ADAM22: variants seen among roughly 807,000 people sequenced by gnomAD.
ADAM22 encodes disintegrin and metalloproteinase domain-containing protein 22.
ADAM22 carries 65 observed loss-of-function variants against 144.6 expected under a neutral mutation model. The ratio of observed to expected loss-of-function variants is 0.45; its 90% confidence interval spans 0.37 to 0.55. The LOEUF (loss-of-function observed/expected upper bound fraction) is 0.55, where lower values mean the gene tolerates loss of function less well. Ranked by LOEUF, ADAM22 falls within the 20% of genes least tolerant of loss-of-function variation. The pLI is 0.00. For missense variants in ADAM22, 974 were observed against 1,184.9 expected (o/e 0.82, Z 2.61); for synonymous variants, 391 against 412.6 (o/e 0.95, Z 0.63).
intron 3 of ADAM22, among the ~76,000 whole-genome samples, chr7:88,021,509 A>G (rs1413014028): frequency 6.6e-6 from 1 of 152,228 alleles, no homozygotes; most frequent in Non-Finnish European, 1.5e-5. Context: ...GTCCTTAAAA[A>G]TAATAAATAG....
intron 29 of ADAM22, among the ~76,000 whole-genome samples, chr7:88,183,197 T>C (rs1011392982): frequency 3.3e-5 from 5 of 152,206 alleles, no homozygotes; most frequent in African/African-American, 1.2e-4. Context: ...TGTTAGAGTT[T>C]ATCTTATATA....
chr7:87,981,799 C>T (rs766492338), intron 3 of ADAM22, among the ~76,000 whole-genome samples: 10 of 151,796 alleles, frequency 6.6e-5, no homozygotes, highest in Admixed American at 6.6e-5. Flanking sequence ...GCTATATTTA[C>T]AGTGTGGCTG....
intron 3 of ADAM22, among the ~76,000 whole-genome samples, chr7:88,058,684 C>T (rs1429758449): frequency 6.6e-6 from 1 of 152,132 alleles, no homozygotes; most frequent in Non-Finnish European, 1.5e-5. Context: ...TCTTGATGGC[C>T]TTCCTTTCAC....
At chr7:88,057,279 A>G (rs1341720448) in intron 3 of ADAM22, among the ~76,000 whole-genome samples, 1 of 152,166 alleles carries the variant, frequency 6.6e-6, no homozygotes, top group Non-Finnish European at 1.5e-5. Context: ...AATCTTTTTA[A>G]TGATGGAATA....
intron 20 of ADAM22, 106 bp from the exon 21 acceptor site, chr7:88,153,115 A>C: frequency 1.5e-6 from 1 of 679,292 alleles, no homozygotes. Flanking sequence ...AATTGATAAC[A>C]CTGTAGTGAT....
intron 26 of ADAM22, among the ~76,000 whole-genome samples, chr7:88,177,971 A>G (rs1301745047): frequency 6.6e-6 from 1 of 152,172 alleles, no homozygotes; most frequent in Non-Finnish European, 1.5e-5. Context: ...ATAGAAAAGA[A>G]TCAAGTTTTA....
At chr7:88,084,887 T>C (rs1391788604) in intron 4 of ADAM22, among the ~76,000 whole-genome samples, 3 of 152,204 alleles carry the variant, frequency 2.0e-5, no homozygotes, top group African/African-American at 4.8e-5. Flanking sequence ...TTGACAGGGT[T>C]GGTTTCTGCC....
intron 3 of ADAM22, among the ~76,000 whole-genome samples, chr7:87,980,634 T>G (rs1034538007): frequency 1.3e-5 from 2 of 152,136 alleles, no homozygotes; most frequent in African/African-American, 4.8e-5. Flanking sequence ...GATGGAAAAG[T>G]ATCATTACAT....
intron 31 of ADAM22, among the ~76,000 whole-genome samples, chr7:88,195,128 G>A (rs1850404517): frequency 6.6e-6 from 1 of 152,122 alleles, no homozygotes; most frequent in Non-Finnish European, 1.5e-5. Context: ...TGCACCAAAT[G>A]TCCAGTAAAA....
chr7:88,002,463 GA>G (rs1359913862), intron 3 of ADAM22, among the ~76,000 whole-genome samples: 2 of 152,194 alleles, frequency 1.3e-5, no homozygotes, highest in Non-Finnish European at 1.5e-5. Context: ...GAATGTGAGG[GA>G]GGGGTGATTT....
chr7:87,971,790 C>T (rs1275839817), intron 2 of ADAM22, among the ~76,000 whole-genome samples: 1 of 152,184 alleles, frequency 6.6e-6, no homozygotes, highest in African/African-American at 2.4e-5. Flanking sequence ...GAGTAACTTT[C>T]TGAGAGCCAT....
At chr7:87,994,757 C>T (rs563230825) in intron 3 of ADAM22, among the ~76,000 whole-genome samples, 11 of 152,262 alleles carry the variant, frequency 7.2e-5, no homozygotes, top group Admixed American at 4.6e-4. Flanking sequence ...CAGAAACTGC[C>T]TAGTTAATCA....
At chr7:87,988,930 T>C (rs1789106387) in intron 3 of ADAM22, among the ~76,000 whole-genome samples, 1 of 151,974 alleles carries the variant, frequency 6.6e-6, no homozygotes, top group African/African-American at 2.4e-5. Flanking sequence ...GAAATTGTAG[T>C]TGCAGGAAGA....
rs1554432334 is a variant in ADAM22 at position 88,053,634 on chromosome 7, A to AAGAAAGAAAG, written c.324-21990_324-21981dup. Among the ~76,000 whole-genome samples the AAGAAAGAAAG allele has an allele frequency of 7.8e-3, 754 of 96,636 alleles. 8 individuals carry two copies. Among genetic ancestry groups the AAGAAAGAAAG allele is most frequent in the Middle Eastern group, 0.016 (3 of 186 alleles). 63.4% of individuals were successfully genotyped at this position (96,636 alleles called of 152,430 possible). ...AAAGAAAGAAAGAAAGAAAGAAAGA[A>AAGAAAGAAAG]AGAAAGAAAGAAAGAAACCAAGTAA... On this transcript the variant is annotated intron_variant, in intron 3 of 31. Coordinates refer to ENST00000413139, the MANE Select transcript of ADAM22 (RefSeq NM_001324418.2).
chr7:88,087,957 A>G (rs1404689369), intron 4 of ADAM22, among the ~76,000 whole-genome samples: 1 of 152,182 alleles, frequency 6.6e-6, no homozygotes, highest in Non-Finnish European at 1.5e-5. Flanking sequence ...TTGTATTCAT[A>G]GTTGCAGTAA....
At chr7:88,108,797 T>C (rs193045607) in intron 5 of ADAM22, among the ~76,000 whole-genome samples, 8 of 152,036 alleles carry the variant, frequency 5.3e-5, no homozygotes, top group African/African-American at 1.9e-4. Context: ...AGAAAAAATA[T>C]ATATTGTCAA....
In ADAM22 at chr7:87,934,435, G is replaced by A. The variant is rs764893866; in HGVS notation, c.-31G>A. On this transcript the variant is annotated 5_prime_UTR_variant, in exon 1 of 32. Coordinates refer to ENST00000413139, the MANE Select transcript of ADAM22 (RefSeq NM_001324418.2). ...GCGGCGCCGGCATGAGGAGCTGAGCGTCTCGGGCGAGGCGGGCTGACGGCA... is the reference window on the plus strand; with the variant it reads ...GCGGCGCCGGCATGAGGAGCTGAGCATCTCGGGCGAGGCGGGCTGACGGCA... 1 of 1,572,680 alleles carries A rather than the reference G, an allele frequency of 6.4e-7. No individual in the cohort carries two copies. The highest frequency in any genetic ancestry group is 1.8e-5 in the Admixed American group (1 of 55,984).
chr7:88,165,129 CT>C (rs906866965), intron 23 of ADAM22, among the ~76,000 whole-genome samples: 6 of 152,066 alleles, frequency 3.9e-5, no homozygotes, highest in Non-Finnish European at 7.4e-5. Context: ...CTCTCTCCTG[CT>C]TCTCTACTCA....
intron 3 of ADAM22, among the ~76,000 whole-genome samples, chr7:88,036,511 T>A (rs902497327): frequency 6.6e-5 from 10 of 152,194 alleles, no homozygotes; most frequent in African/African-American, 2.4e-4. Context: ...TGTTTGGCAA[T>A]CATTAATAAT....
Sources: gnomAD v4.1 joint callset for allele counts (sites outside exome capture counted in the v4.1 genomes callset) on GRCh38, gnomAD v4.1.1 for gene constraint, MANE v1.5 for transcripts, NCBI Gene and HGNC (gene_info 2026-07-23, HGNC 2026-07-21) for gene names.